ZNF789: variants seen among roughly 807,000 people sequenced by gnomAD.
ZNF789 encodes zinc finger protein 789.
Under a neutral mutation model 15.6 loss-of-function variants are expected in ZNF789, and 11 were observed. The ratio of observed to expected loss-of-function variants is 0.70; its 90% CI spans 0.44 to 1.16. The LOEUF (loss-of-function observed/expected upper bound fraction) is 1.16, where lower values mean the gene tolerates loss of function less well. Ranked by LOEUF, ZNF789 falls within the 50% of genes most tolerant of loss-of-function variation. The pLI, the probability that ZNF789 is intolerant of heterozygous loss-of-function variation, is 0.00. For synonymous variants in ZNF789, 159 were observed against 176.0 expected, an observed-to-expected ratio of 0.90 and a Z score of 0.76; for missense variants, 461 against 512.6, an observed-to-expected ratio of 0.90 and a Z score of 0.97.
intron 1 of ZNF789, among the ~76,000 whole-genome samples, chr7:99,474,016 A>G (rs530716710): frequency 1.2e-4 from 19 of 152,296 alleles, no homozygotes; most frequent in Non-Finnish European, 1.8e-4. Flanking sequence ...CCTGAACTCA[A>G]GGGAGAAATC....
intron 3 of ZNF789, 74 bp from the exon 4 acceptor site, chr7:99,483,956 G>T: frequency 8.7e-7 from 1 of 1,153,302 alleles, no homozygotes; most frequent in Non-Finnish European, 1.3e-6. Flanking sequence ...CCTTATCTCT[G>T]CTTGCCACTG....
intron 3 of ZNF789, among the ~76,000 whole-genome samples, chr7:99,483,401 G>A (rs1307702891): frequency 1.3e-5 from 2 of 150,944 alleles, no homozygotes; most frequent in Non-Finnish European, 1.5e-5. Flanking sequence ...AGGCCAAGGC[G>A]GGTGGATCAC....
intron 4 of ZNF789, among the ~76,000 whole-genome samples, chr7:99,485,541 G>A (rs1353479818): frequency 1.3e-5 from 2 of 152,282 alleles, no homozygotes; most frequent in East Asian, 3.9e-4. Flanking sequence ...TATTAAAAAC[G>A]TGTATCTAGG....
chr7:99,479,418 G>A (rs1054506105), intron 2 of ZNF789: 2 of 373,234 alleles, frequency 5.4e-6, no homozygotes, highest in African/African-American at 4.2e-5. Context: ...GGCCTGAAAA[G>A]CCTAAAATAT....
rs902688563 is a variant in ZNF789, at chr7:99,474,085, C to T, written c.-55+1029C>T. 2.6e-5 allele frequency among the ~76,000 whole-genome samples: 4 copies of T among 152,328 alleles called. No homozygotes were observed. In the South Asian group the frequency reaches 8.3e-4, roughly 32 times the overall value. ...GGTTGGCCTAGGGCCGTACCCAAAA[C>T]ATGGACTCCATTTAATTTTTCATTA... is the stretch of plus-strand genomic sequence containing the variant. On this transcript the variant is annotated intron_variant, in intron 1 of 4. Transcript: ENST00000331410.
At chr7:99,483,263 C>T (rs1799742668) in intron 3 of ZNF789, among the ~76,000 whole-genome samples, 1 of 151,728 alleles carries the variant, frequency 6.6e-6, no homozygotes, top group South Asian at 2.1e-4. Context: ...AATAAAAATA[C>T]AAAAATTAGC....
chr7:99,475,075 A>G (rs1799246840), intron 1 of ZNF789, among the ~76,000 whole-genome samples: 1 of 152,206 alleles, frequency 6.6e-6, no homozygotes, highest in Non-Finnish European at 1.5e-5. Flanking sequence ...AGTGAATTTC[A>G]TTAAAATTCA....
chr7:99,480,700 T>TA (rs1282651364), intron 3 of ZNF789: 1 of 152,258 alleles, frequency 6.6e-6, no homozygotes, highest in Non-Finnish European at 1.5e-5. Context: ...TGTGTAACAT[T>TA]AGTGGGTGCT....
chr7:99,483,684 C>G (rs572712630), intron 3 of ZNF789: 43 of 780,718 alleles, frequency 5.5e-5, no homozygotes, highest in African/African-American at 2.0e-4. Flanking sequence ...AATACTTATG[C>G]CTTCATCGCA....
intron 4 of ZNF789, 44 bp from the exon 5 acceptor site, chr7:99,486,432 T>A (rs1357814035): frequency 6.5e-7 from 1 of 1,539,958 alleles, no homozygotes; most frequent in African/African-American, 1.4e-5. Context: ...TTTTTTCTTC[T>A]GCAGTGGATA....
intron 3 of ZNF789, chr7:99,480,864 C>A (rs1350484054): frequency 6.6e-6 from 1 of 152,222 alleles, no homozygotes; most frequent in African/African-American, 2.4e-5. Flanking sequence ...AACCCTTGCA[C>A]TGACACTCTT....
chr7:99,485,848 A>G (rs1799910102), intron 4 of ZNF789, among the ~76,000 whole-genome samples: 1 of 152,052 alleles, frequency 6.6e-6, no homozygotes, highest in African/African-American at 2.4e-5. Flanking sequence ...GAAGCATAAC[A>G]TGCTACCTCT....
chr7:99,485,439 A>G (rs1186593890), intron 4 of ZNF789: 1 of 609,040 alleles, frequency 1.6e-6, no homozygotes, highest in Non-Finnish European at 2.9e-6. Context: ...CCATTGCTCT[A>G]TTCAGTTGGC....
In ZNF789 at chr7:99,484,006, T is replaced by C. The variant is rs766677542; in HGVS notation, c.152-24T>C. The C allele has an allele frequency of 1.9e-6, 3 of 1,601,656 alleles. No homozygotes were observed. In the South Asian group the frequency reaches 3.3e-5, roughly 18 times the overall value. On this transcript the variant is annotated intron_variant, in intron 3 of 4. Coordinates refer to ENST00000331410, the MANE Select transcript of ZNF789 (RefSeq NM_213603.3). ...TCTCTGTAACTCACTAACGGCCACATCCCATTTACTTCCCCATGAGTAGGA... is the reference window on the plus strand; with the variant it reads ...TCTCTGTAACTCACTAACGGCCACACCCCATTTACTTCCCCATGAGTAGGA...
chr7:99,484,326 C>T (rs1799800633), intron 4 of ZNF789, among the ~76,000 whole-genome samples, 183 bp downstream of exon 4: 1 of 152,226 alleles, frequency 6.6e-6, no homozygotes, highest in Non-Finnish European at 1.5e-5. Context: ...GATGAAGAAA[C>T]TAAGATTAAG....
At chr7:99,483,709 T>C (rs777070333) in intron 3 of ZNF789, 10 of 781,102 alleles carry the variant, frequency 1.3e-5, no homozygotes, top group South Asian at 1.2e-4. Flanking sequence ...TGTGCTACGC[T>C]TGATTTAATT....
At chr7:99,483,566 G>A in intron 3 of ZNF789, 1 of 619,576 alleles carries the variant, frequency 1.6e-6, no homozygotes, top group Non-Finnish European at 2.9e-6. Flanking sequence ...GGGAGGCAGA[G>A]GTTGCAGTGC....
In ZNF789 at chr7:99,486,850, G is replaced by A. The variant is rs1462700554; in HGVS notation, c.640G>A (p.Ala214Thr). 1.9e-6 allele frequency: 3 copies of A among 1,614,046 alleles called. No individual in the cohort carries two copies. In the African/African-American group the frequency reaches 4.0e-5, roughly 22 times the overall value. The change falls in exon 5 of 5, where the codon GCA becomes ACA. Residue 214 changes from alanine to threonine, a missense_variant. By Grantham distance (58) the Ala-to-Thr change is moderately conservative (BLOSUM62 0). Coordinates refer to ENST00000331410, the MANE Select transcript of ZNF789 (RefSeq NM_213603.3). ...SECGKVIRRK[A>T]WFDQHQRIHF... ...ATGTGGAAAAGTCATTAGGCGTAAGGCATGGTTTGATCAACATCAAAGAAT... is the reference window on the plus strand; with the variant it reads ...ATGTGGAAAAGTCATTAGGCGTAAGACATGGTTTGATCAACATCAAAGAAT...
Position 99,487,115 on chromosome 7 carries a change from G to A in ZNF789, c.905G>A (p.Arg302Gln), listed in dbSNP as rs1458599864. The change falls in exon 5 of 5, where the codon CGA (arginine) becomes CAA (glutamine). Residue 302 changes from arginine to glutamine, a missense_variant. Physicochemically the swap from Arg to Gln is conservative, Grantham distance 43. Coordinates refer to ENST00000331410, the MANE Select transcript of ZNF789 (RefSeq NM_213603.3). ...KTFSQNSTLI[R>Q]HQVIHSGEKR... is the part of the protein sequence containing the mutation. ...TTTAGTCAGAATTCAACCCTTATTC[G>A]ACATCAGGTGATCCATAGTGGAGAA... The A allele has an allele frequency of 3.1e-6, 5 of 1,614,110 alleles. No individual in the cohort carries two copies. The highest frequency in any genetic ancestry group is 4.2e-6 in the Non-Finnish European group (5 of 1,180,032).
Sources: allele counts gnomAD v4.1 joint callset (sites outside exome capture counted in the v4.1 genomes callset), GRCh38; gene constraint gnomAD v4.1.1; transcripts MANE v1.5; gene names NCBI Gene and HGNC (gene_info 2026-07-23, HGNC 2026-07-21).